ATXN7: variants seen among roughly 807,000 people sequenced by gnomAD.
The protein encoded by ATXN7 is ataxin 7, also known as ataxin-7.
ATXN7 carries 12 observed loss-of-function variants against 70.5 expected under a neutral mutation model. The ratio of observed to expected loss-of-function variants is 0.17; its 90% confidence interval spans 0.11 to 0.28. The LOEUF is 0.28. Among genes scored for constraint, ATXN7 ranks in the 10% least tolerant of loss-of-function variants. ATXN7 has a pLI of 1.00. For missense variants in ATXN7, 1,256 were observed against 1,131.7 expected, an observed-to-expected ratio of 1.11 and a Z score of -1.58; for synonymous variants, 498 against 448.7, an observed-to-expected ratio of 1.11 and a Z score of -1.39.
intron 5 of ATXN7, among the ~76,000 whole-genome samples, chr3:63,953,854 GC>G (rs2074995242): frequency 6.6e-6 from 1 of 151,926 alleles, no homozygotes; most frequent in Non-Finnish European, 1.5e-5. Flanking sequence ...CACCATGTTG[GC>G]CAGGCTGGTC....
intron 1 of ATXN7, among the ~76,000 whole-genome samples, chr3:63,890,986 TTTTTATTTTA>T (rs768590018): frequency 8.5e-5 from 13 of 152,130 alleles, no homozygotes; most frequent in South Asian, 2.1e-4. Context: ...AACATTTCTT[TTTTTATTTTA>T]TTTTATTTTA....
intron 4 of ATXN7, among the ~76,000 whole-genome samples, chr3:63,915,621 A>G (rs1704230702): frequency 6.6e-6 from 1 of 152,214 alleles, no homozygotes; most frequent in Non-Finnish European, 1.5e-5. Flanking sequence ...TGTTAAATTG[A>G]AGAAATATGT....
At chr3:63,878,790 T>A (rs1702821616) in intron 1 of ATXN7, among the ~76,000 whole-genome samples, 1 of 152,118 alleles carries the variant, frequency 6.6e-6, no homozygotes, top group Non-Finnish European at 1.5e-5. Flanking sequence ...GATGGGCTGT[T>A]AAGACAGGAG....
intron 5 of ATXN7, among the ~76,000 whole-genome samples, chr3:63,960,421 T>A (rs2075109251): frequency 6.6e-6 from 1 of 152,112 alleles, no homozygotes; most frequent in South Asian, 2.1e-4. Flanking sequence ...AGTGTTATGA[T>A]CACGTGGTTG....
At chr3:63,940,720 G>C (rs146623594) in intron 4 of ATXN7, among the ~76,000 whole-genome samples, 51 of 152,266 alleles carry the variant, frequency 3.3e-4, no homozygotes, top group Middle Eastern at 3.4e-3. Context: ...TGTAGAAACT[G>C]TATGCCTAGA....
upstream of ATXN7, chr3:63,863,367 C>T: frequency 1.1e-6 from 1 of 875,320 alleles, no homozygotes; most frequent in South Asian, 5.3e-5. Flanking sequence ...CACTGTCCAC[C>T]CTTCGCGGCT....
chr3:63,879,045 TG>T (rs1472611792), intron 1 of ATXN7, among the ~76,000 whole-genome samples: 1 of 152,160 alleles, frequency 6.6e-6, no homozygotes, highest in Admixed American at 6.5e-5. Flanking sequence ...GGGTGGAAAG[TG>T]GATCAGACAA....
chr3:63,976,763 A>G (rs1575976309), intron 5 of ATXN7, among the ~76,000 whole-genome samples: 1 of 152,364 alleles, frequency 6.6e-6, no homozygotes, highest in African/African-American at 2.4e-5. Flanking sequence ...ATGCAAAATT[A>G]CGCAACAAAA....
chr3:63,885,590 C>T (rs1225560432), intron 1 of ATXN7, among the ~76,000 whole-genome samples: 3 of 152,218 alleles, frequency 2.0e-5, no homozygotes, highest in African/African-American at 7.2e-5. Flanking sequence ...AGTCCTACTT[C>T]TGCATATATA....
chr3:63,979,264 T>A (rs2106750334), intron 5 of ATXN7, among the ~76,000 whole-genome samples: 2 of 152,330 alleles, frequency 1.3e-5, no homozygotes, highest in East Asian at 3.9e-4. Context: ...GCCTTTGGCA[T>A]CTTAGCGGTG....
At position 63,995,821 on chromosome 3, in the gene ATXN7, A is replaced by G. The variant is rs758177956; in HGVS notation, c.1999A>G (p.Met667Val). 2 of 1,614,128 alleles carry G rather than the reference A, an allele frequency of 1.2e-6. No homozygotes were observed. Among genetic ancestry groups the G allele is most frequent in the Non-Finnish European group, 1.7e-6 (2 of 1,180,028 alleles). Residue 667 changes from methionine to valine, a missense_variant, in exon 12 of 13, where the codon ATG becomes GTG. Met to Val is a conservative substitution (Grantham distance 21). Coordinates refer to ENST00000674280, the MANE Select transcript of ATXN7 (RefSeq NM_001377405.1). ...SGLSSVPSSP[M>V]SRKPQKLKSS... The stretch of plus-strand genomic sequence containing the variant: ...CCTTTCCTCGGTTCCTTCCTCCCCC[A>G]TGTCCAGGAAACCTCAGAAATTGAA...
intron 1 of ATXN7, among the ~76,000 whole-genome samples, chr3:63,898,024 A>C (rs901759711): frequency 2.0e-5 from 3 of 152,190 alleles, no homozygotes; most frequent in Non-Finnish European, 2.9e-5. Context: ...ATCTCATTCA[A>C]TCTGTGTTTT....
At chr3:63,971,614 A>T (rs879377681) in intron 5 of ATXN7, among the ~76,000 whole-genome samples, 1 of 152,172 alleles carries the variant, frequency 6.6e-6, no homozygotes, top group East Asian at 1.9e-4. Context: ...TGTGTAGTCC[A>T]TGGTGTGATT....
rs746322997 is a variant in ATXN7, at chr3:63,990,704, G to C, written c.1561-34G>C. On this transcript the variant is annotated intron_variant, in intron 10 of 12. Transcript: ENST00000674280. Reference sequence around the variant, plus strand: ...CCTGACTGGGCATGCCAGTGTGGGAGTCAGCAAGCACGCGGCTATGTTTTC... The same window carrying C: ...CCTGACTGGGCATGCCAGTGTGGGACTCAGCAAGCACGCGGCTATGTTTTC... 2.2e-5 allele frequency: 36 copies of C among 1,613,884 alleles called. No homozygotes were observed. The South Asian group carries it at 2.4e-4, about 11-fold the overall frequency.
intron 4 of ATXN7, among the ~76,000 whole-genome samples, chr3:63,926,693 C>A (rs1251055991): frequency 6.6e-6 from 1 of 152,178 alleles, no homozygotes; most frequent in Non-Finnish European, 1.5e-5. Flanking sequence ...GCTCTTCCCA[C>A]TGACGGGCTA....
At chr3:63,988,530 G>C in intron 9 of ATXN7, 1 of 644,680 alleles carries the variant, frequency 1.6e-6, no homozygotes, top group Non-Finnish European at 2.6e-6. Context: ...GTAAATGCAA[G>C]CAGCAAAATA....
chr3:63,955,539 C>G (rs1417968633), intron 5 of ATXN7, among the ~76,000 whole-genome samples: 1 of 152,096 alleles, frequency 6.6e-6, no homozygotes, highest in African/African-American at 2.4e-5. Flanking sequence ...CCAGTGCTGC[C>G]ACAGTGTCGT....
intron 2 of ATXN7, 108 bp from the exon 3 acceptor site, chr3:63,912,480 C>T (rs1221472257): frequency 5.9e-6 from 4 of 674,944 alleles, no homozygotes; most frequent in Non-Finnish European, 5.6e-6. Context: ...GCGCTGTCAG[C>T]GTGCCCCACC....
chr3:63,987,144 C>A (rs1324934597), intron 8 of ATXN7, among the ~76,000 whole-genome samples: 1 of 152,176 alleles, frequency 6.6e-6, no homozygotes, highest in African/African-American at 2.4e-5. Flanking sequence ...TCAACTTTAT[C>A]TTCTGTTAGC....
Sources: gnomAD v4.1 joint callset for allele counts (sites outside exome capture counted in the v4.1 genomes callset) on GRCh38, gnomAD v4.1.1 for gene constraint, MANE v1.5 for transcripts, NCBI Gene and HGNC (gene_info 2026-07-23, HGNC 2026-07-21) for gene names.